Variants in RBM18 observed in about 807,000 individuals in gnomAD.
RBM18 encodes probable RNA-binding protein 18.
Under a neutral mutation model 26.4 loss-of-function variants are expected in RBM18, and 18 were observed. That is an observed-to-expected ratio of 0.68 (90% CI 0.47 to 1.01). The LOEUF (loss-of-function observed/expected upper bound fraction) is 1.01. Among genes scored for constraint, RBM18 ranks in the 50% least tolerant of loss-of-function variants. The pLI, the probability that RBM18 is intolerant of heterozygous loss-of-function variation, is 0.00. For synonymous variants in RBM18, 74 were observed against 81.1 expected, an observed-to-expected ratio of 0.91 and a Z score of 0.47; for missense variants, 180 against 219.2, an observed-to-expected ratio of 0.82 and a Z score of 1.13.
rs754642130 is a variant in RBM18 at position 122,251,985 on chromosome 9, G to A, written c.114-12C>T. 8 of 1,613,882 alleles carry A rather than the reference G, an allele frequency of 5.0e-6. No homozygotes were observed. In the African/African-American group the frequency reaches 1.1e-4, roughly 22 times the overall value. On this transcript the variant is annotated splice_polypyrimidine_tract_variant and intron_variant, in intron 2 of 5. Coordinates refer to ENST00000417201, the MANE Select transcript of RBM18 (RefSeq NM_033117.4). ...TGAGGAGGTGGTATCTGTGGAGAAAGAAGAGTCCATGAGTATGCTCTGGGA... is the reference window on the plus strand; with the variant it reads ...TGAGGAGGTGGTATCTGTGGAGAAAAAAGAGTCCATGAGTATGCTCTGGGA...
At chr9:122,260,674 T>C (rs895110958) in intron 2 of RBM18, among the ~76,000 whole-genome samples, 20 of 152,182 alleles carry the variant, frequency 1.3e-4, no homozygotes, top group Non-Finnish European at 2.1e-4. Flanking sequence ...TATGGAGCCC[T>C]GGAAGTTCTA....
At chr9:122,263,923 C>T (rs547855507) in intron 1 of RBM18, among the ~76,000 whole-genome samples, 8 of 152,214 alleles carry the variant, frequency 5.3e-5, no homozygotes, top group Non-Finnish European at 1.2e-4. Flanking sequence ...AGCATCCTCT[C>T]GATAGAAAAG....
chr9:122,263,667 C>T (rs1311017403), intron 1 of RBM18, among the ~76,000 whole-genome samples: 1 of 152,120 alleles, frequency 6.6e-6, no homozygotes, highest in Non-Finnish European at 1.5e-5. Context: ...GACAGGGACT[C>T]GACGACTATA....
chr9:122,247,517 C>T lies in RBM18; in HGVS notation c.327+1G>A, dbSNP rs1831523469. 6.2e-7 allele frequency: 1 copy of T among 1,613,554 alleles called. No homozygotes were observed. Among genetic ancestry groups the T allele is most frequent in the Non-Finnish European group, 8.5e-7 (1 of 1,179,620 alleles). ...ATGTCTTTCTAGCCTCTCAGACGTA[C>T]CTTTACTTGAGCATGTGCCCATCGC... On this transcript the variant is annotated splice_donor_variant, in intron 4 of 5. Transcript: ENST00000417201. LOFTEE classifies it high-confidence loss of function.
At chr9:122,259,989 C>T (rs867294331) in intron 2 of RBM18, among the ~76,000 whole-genome samples, 4 of 152,150 alleles carry the variant, frequency 2.6e-5, no homozygotes, top group Non-Finnish European at 4.4e-5. Context: ...CCACTGTGCC[C>T]GGCCTCCCCT....
chr9:122,243,421 T>G (rs1172168338), intron 5 of RBM18, among the ~76,000 whole-genome samples: 2 of 152,220 alleles, frequency 1.3e-5, no homozygotes, highest in African/African-American at 4.8e-5. Context: ...ACCAAAGCCC[T>G]CATTTTTTCT....
Position 122,240,946 on chromosome 9 carries a change from T to A in RBM18, c.*938A>T, listed in dbSNP as rs1484571559. On this transcript the variant is annotated 3_prime_UTR_variant, in exon 6 of 6. Coordinates refer to ENST00000417201, the MANE Select transcript of RBM18 (RefSeq NM_033117.4). ...TTCCACTTAGACCGCTACACAATTA[T>A]TAGAAAATTGTATGTTTGATAGTGA... The A allele has an allele frequency of 1.3e-5, 2 of 152,226 alleles. No individual in the cohort carries two copies. The highest frequency in any genetic ancestry group is 1.9e-4 in the East Asian group (1 of 5,192). 9.4% of individuals were successfully genotyped at this position (152,226 alleles called of 1,614,324 possible).
At chr9:122,262,615 G>A (rs1453033129) in intron 1 of RBM18, among the ~76,000 whole-genome samples, 2 of 151,900 alleles carry the variant, frequency 1.3e-5, no homozygotes, top group African/African-American at 4.8e-5. Flanking sequence ...ACAGACTCTC[G>A]CTCTGTTGCC....
At chr9:122,258,023 T>C (rs893189215) in intron 2 of RBM18, among the ~76,000 whole-genome samples, 1 of 152,214 alleles carries the variant, frequency 6.6e-6, no homozygotes, top group African/African-American at 2.4e-5. Context: ...ATAAGTTACA[T>C]TATGTAATCC....
rs1379308838 is a variant in RBM18 at position 122,238,854 on chromosome 9, T to C, written c.*3030A>G. On this transcript the variant is annotated 3_prime_UTR_variant, in exon 6 of 6. Transcript: ENST00000417201. ...TTGTAATAGTCCAGGGAAGAGATGATGGTGGCTTTAAGAAAAATGGTGGTA... is the reference window on the plus strand; with the variant it reads ...TTGTAATAGTCCAGGGAAGAGATGACGGTGGCTTTAAGAAAAATGGTGGTA... 6 of 152,110 alleles carry C rather than the reference T, an allele frequency of 3.9e-5. No individual in the cohort carries two copies. Among genetic ancestry groups the C allele is most frequent in the Admixed American group, 3.9e-4 (6 of 15,256 alleles). The allele number at this position is 152,110 out of a possible 1,614,324, so 9.4% of individuals were successfully genotyped here. A position where few individuals can be genotyped will look rare whatever the true frequency, so the allele number is the denominator to read the frequency against.
At chr9:122,254,048 A>C (rs575306808) in intron 2 of RBM18, among the ~76,000 whole-genome samples, 11 of 151,406 alleles carry the variant, frequency 7.3e-5, no homozygotes, top group Non-Finnish European at 1.2e-4. Context: ...AAGAAAAAAA[A>C]CCCACAAAAA....
At chr9:122,245,806 C>A (rs1290256248) in intron 4 of RBM18, among the ~76,000 whole-genome samples, 1 of 151,762 alleles carries the variant, frequency 6.6e-6, no homozygotes, top group Non-Finnish European at 1.5e-5. Context: ...GGCAAAAACC[C>A]TGTCTCTATT....
chr9:122,241,699 G>T lies in RBM18; in HGVS notation c.*185C>A. The T allele has an allele frequency of 1.9e-6, 1 of 528,222 alleles. No homozygotes were observed. Among genetic ancestry groups the T allele is most frequent in the Non-Finnish European group, 3.3e-6 (1 of 302,142 alleles). The allele number at this position is 528,222 out of a possible 1,614,324, so 32.7% of individuals were successfully genotyped here. On this transcript the variant is annotated 3_prime_UTR_variant, in exon 6 of 6. Coordinates refer to ENST00000417201, the MANE Select transcript of RBM18 (RefSeq NM_033117.4). ...TACAACGCTATTTATTCTGGATGAT[G>T]CTCAATTCCATACATAGTTTAGGGA...
At chr9:122,251,596 TC>T (rs1564456783) in intron 3 of RBM18, among the ~76,000 whole-genome samples, 1 of 152,206 alleles carries the variant, frequency 6.6e-6, no homozygotes, top group African/African-American at 2.4e-5. Context: ...GATGTGGGCA[TC>T]CCAGTGCATT....
At position 122,240,641 on chromosome 9, in the gene RBM18, T is replaced by C. The variant is rs1831401792; in HGVS notation, c.*1243A>G. 1 of 152,216 alleles carries C rather than the reference T, an allele frequency of 6.6e-6. No individual in the cohort carries two copies. The highest frequency in any genetic ancestry group is 1.5e-5 in the Non-Finnish European group (1 of 68,034). The allele number at this position is 152,216 out of a possible 1,614,324, so 9.4% of individuals were successfully genotyped here. Reference sequence around the variant, plus strand: ...GCCCAATTAAACAGTATGTCAAACTTGGCATCAAAATGACCAAAATGTGCT... The same window carrying C: ...GCCCAATTAAACAGTATGTCAAACTCGGCATCAAAATGACCAAAATGTGCT... On this transcript the variant is annotated 3_prime_UTR_variant, in exon 6 of 6. Coordinates refer to ENST00000417201, the MANE Select transcript of RBM18 (RefSeq NM_033117.4).
intron 3 of RBM18, among the ~76,000 whole-genome samples, chr9:122,248,959 C>T (rs1416707960): frequency 6.6e-6 from 1 of 152,196 alleles, no homozygotes. Flanking sequence ...ATTCACTAAT[C>T]ATCCTTGCCC....
rs1412445217 is a variant in RBM18, at chr9:122,239,077, CCTGTT to C, written c.*2802_*2806del. On this transcript the variant is annotated 3_prime_UTR_variant, in exon 6 of 6. Transcript: ENST00000417201. ...TTTAATTTATAAGGCAAGAATTACTCCTGTTCTTTTATGTAGTAGTATAAAAGAAT... is the reference window on the plus strand; with the variant it reads ...TTTAATTTATAAGGCAAGAATTACTCCTTTTATGTAGTAGTATAAAAGAAT... 2 of 152,144 alleles carry C rather than the reference CCTGTT, an allele frequency of 1.3e-5. No individual in the cohort carries two copies. The highest frequency in any genetic ancestry group is 2.9e-5 in the Non-Finnish European group (2 of 68,024). The allele number at this position is 152,144 out of a possible 1,614,324, so 9.4% of individuals were successfully genotyped here.
intron 2 of RBM18, among the ~76,000 whole-genome samples, chr9:122,257,102 G>A (rs544568685): frequency 2.6e-5 from 4 of 152,302 alleles, no homozygotes; most frequent in Admixed American, 6.5e-5. Context: ...TTGAGACAGC[G>A]TCTTGCTCTG....
At position 122,241,917 on chromosome 9, in the gene RBM18, T is replaced by C. The variant is rs1041823651; in HGVS notation, c.540A>G (p.Pro180=). The part of the protein sequence containing the change: ...FKPPDKKRTT[P]YSRTAWKSRR ...GAGATTTCCATGCTGTTCTAGAATATGGAGTAGTCCTTTTTTTATCTGGTG... is the reference window on the plus strand; with the variant it reads ...GAGATTTCCATGCTGTTCTAGAATACGGAGTAGTCCTTTTTTTATCTGGTG... The change falls in exon 6 of 6, where the codon CCA becomes CCG. Residue 180 remains proline (P), a synonymous_variant. Transcript: ENST00000417201. 1.9e-6 allele frequency: 3 copies of C among 1,614,136 alleles called. No homozygotes were observed. The highest frequency in any genetic ancestry group is 1.1e-5 in the South Asian group (1 of 91,076).
Sources: allele counts gnomAD v4.1 joint callset (sites outside exome capture counted in the v4.1 genomes callset), GRCh38; gene constraint gnomAD v4.1.1; transcripts MANE v1.5; gene names NCBI Gene and HGNC (gene_info 2026-07-23, HGNC 2026-07-21).